NEK11: variants seen among roughly 807,000 people sequenced by gnomAD.
NEK11 encodes serine/threonine-protein kinase Nek11.
In NEK11, 72 loss-of-function variants were observed where a neutral mutation model predicts 80.7. The ratio of observed to expected loss-of-function variants is 0.89; its 90% CI spans 0.74 to 1.08. NEK11 has a LOEUF of 1.08. Ranked by LOEUF, NEK11 falls within the 50% of genes least tolerant of loss-of-function variation. The probability of loss-of-function intolerance (pLI) is 0.00; values close to 1 mark genes in which losing one functional copy is unlikely to be tolerated. For synonymous variants in NEK11, 251 were observed against 260.7 expected (o/e 0.96, Z 0.36); for missense variants, 764 against 763.6 (o/e 1.00, Z -0.01).
chr3:131,080,087 A>G (rs2075018153), intron 3 of NEK11, among the ~76,000 whole-genome samples: 1 of 151,930 alleles, frequency 6.6e-6, no homozygotes, highest in Non-Finnish European at 1.5e-5. Context: ...ATAGAAAGAG[A>G]CAGACAGAAA....
chr3:131,105,847 A>G (rs188020166), intron 4 of NEK11, among the ~76,000 whole-genome samples: 8 of 152,330 alleles, frequency 5.3e-5, no homozygotes, highest in Admixed American at 6.5e-5. Flanking sequence ...TTTTTCCCCA[A>G]ATAGTTCTTT....
intron 4 of NEK11, among the ~76,000 whole-genome samples, chr3:131,093,637 G>A (rs2077044635): frequency 6.6e-6 from 1 of 151,834 alleles, no homozygotes; most frequent in African/African-American, 2.4e-5. Context: ...GGTTGTTCTC[G>A]AACTCCTGAC....
In NEK11 at chr3:131,349,596, G is replaced by T; in HGVS notation, c.1758G>T (p.Glu586Asp). The T allele has an allele frequency of 6.2e-7, 1 of 1,614,120 alleles. No individual in the cohort carries two copies. The highest frequency in any genetic ancestry group is 8.5e-7 in the Non-Finnish European group (1 of 1,180,024). ...AGCTGGGGACAGAAGTATTTGAAGA[G>T]GTCTATAATTACCTCAAGAGAGCAA... ...MQKLGTEVFE[E>D]VYNYLKRARH... Residue 586 changes from glutamate to aspartate, a missense_variant, in exon 18 of 18, where the codon GAG (glutamate) becomes GAT (aspartate). By Grantham distance (45) the Glu-to-Asp change is conservative. Coordinates refer to ENST00000383366, the MANE Select transcript of NEK11 (RefSeq NM_024800.5).
rs1826528 is a variant in NEK11, at chr3:131,041,935, G to T, written c.170+12057G>T. ...TCTCATTGGGACTGGTTAGATGTGG[G>T]TACAGCCCACGGAGGGCGAGCAGAA... On this transcript the variant is annotated intron_variant, in intron 3 of 17. Coordinates refer to ENST00000383366, the MANE Select transcript of NEK11 (RefSeq NM_024800.5). 2.7e-3 allele frequency among the ~76,000 whole-genome samples: 412 copies of T among 152,280 alleles called. 1 individual carries two copies. Among genetic ancestry groups the T allele is most frequent in the African/African-American group, 9.5e-3 (393 of 41,548 alleles).
intron 3 of NEK11, among the ~76,000 whole-genome samples, chr3:131,030,202 G>A (rs1245874230): frequency 2.6e-5 from 4 of 151,080 alleles, no homozygotes; most frequent in Non-Finnish European, 4.4e-5. Flanking sequence ...TCATGCCACT[G>A]CCCTCCAGCC....
At chr3:131,177,329 GC>G (rs1190725772) in intron 14 of NEK11, among the ~76,000 whole-genome samples, 3 of 152,162 alleles carry the variant, frequency 2.0e-5, no homozygotes, top group Non-Finnish European at 4.4e-5. Context: ...TCAATAAAAT[GC>G]AGTTAGTAAT....
chr3:131,114,883 A>T (rs1240158961), intron 5 of NEK11, among the ~76,000 whole-genome samples: 2 of 152,236 alleles, frequency 1.3e-5, no homozygotes, highest in Non-Finnish European at 2.9e-5. Flanking sequence ...TGGCTTACAT[A>T]TGAGTTAAGA....
chr3:131,186,579 C>T (rs1032794176), intron 14 of NEK11, among the ~76,000 whole-genome samples: 3 of 152,162 alleles, frequency 2.0e-5, no homozygotes, highest in African/African-American at 7.2e-5. Flanking sequence ...AAAGTTCTTT[C>T]CTTAGAAGAC....
intron 17 of NEK11, chr3:131,326,338 T>A (rs1248311669): frequency 3.3e-5 from 5 of 152,340 alleles, no homozygotes; most frequent in Non-Finnish European, 7.3e-5. Flanking sequence ...CATGGCAAAG[T>A]CAAGCCCCCT....
chr3:131,254,254 G>A (rs2095762586), intron 16 of NEK11, among the ~76,000 whole-genome samples: 2 of 152,158 alleles, frequency 1.3e-5, no homozygotes, highest in South Asian at 4.1e-4. Context: ...GAAAGTGGTC[G>A]CAATGTGTCA....
chr3:131,110,250 T>C (rs909631173), intron 5 of NEK11, among the ~76,000 whole-genome samples: 3 of 152,178 alleles, frequency 2.0e-5, no homozygotes, highest in African/African-American at 7.2e-5. Context: ...TATGAATTTA[T>C]TGTATCTTAC....
chr3:131,277,342 G>A (rs1038642655), intron 17 of NEK11, among the ~76,000 whole-genome samples: 4 of 152,114 alleles, frequency 2.6e-5, no homozygotes, highest in Admixed American at 2.0e-4. Context: ...TCTGCTCTTT[G>A]ACACTTTCCC....
chr3:131,146,254 C>A (rs905334137), intron 7 of NEK11, among the ~76,000 whole-genome samples: 5 of 151,996 alleles, frequency 3.3e-5, no homozygotes, highest in Admixed American at 3.3e-4. Context: ...AATTTGATTT[C>A]TTTTTTTCAG....
In NEK11 at chr3:131,349,882, T is replaced by C. The variant is rs1561680406; in HGVS notation, c.*106T>C. 3.6e-6 allele frequency: 3 copies of C among 829,186 alleles called. No individual in the cohort carries two copies. The East Asian group carries it at 7.9e-5, about 22-fold the overall frequency. 51.4% of individuals were successfully genotyped at this position (829,186 alleles called of 1,614,324 possible). ...TGGGGAATGGATACAAAAGCAGAGC[T>C]CCCATCTTGACTTTCAATTCCTCAT... is the stretch of plus-strand genomic sequence containing the variant. On this transcript the variant is annotated 3_prime_UTR_variant, in exon 18 of 18. Coordinates refer to ENST00000383366, the MANE Select transcript of NEK11 (RefSeq NM_024800.5).
chr3:131,093,756 G>A (rs560833077), intron 4 of NEK11, among the ~76,000 whole-genome samples: 1 of 152,064 alleles, frequency 6.6e-6, no homozygotes, highest in Admixed American at 6.6e-5. Flanking sequence ...AGTGAAATTT[G>A]TTACATGGTG....
chr3:131,168,357 A>AT, intron 12 of NEK11, among the ~76,000 whole-genome samples: 1 of 141,556 alleles, frequency 7.1e-6, no homozygotes, highest in African/African-American at 2.7e-5. Context: ...TTTTATTTTT[A>AT]TTTATTTATT....
At chr3:131,290,659 G>A (rs1257563889) in intron 17 of NEK11, among the ~76,000 whole-genome samples, 1 of 152,166 alleles carries the variant, frequency 6.6e-6, no homozygotes, top group Admixed American at 6.5e-5. Flanking sequence ...ACCCCACCCA[G>A]CACTTGATGC....
At chr3:131,152,857 G>A (rs146220537) in intron 9 of NEK11, 148 bp downstream of exon 9, 38 of 625,766 alleles carry the variant, frequency 6.1e-5, no homozygotes, top group Middle Eastern at 4.4e-4. Flanking sequence ...AGGCCGAGGC[G>A]GATGGATCAC....
chr3:131,244,292 T>A (rs560898829), intron 16 of NEK11, among the ~76,000 whole-genome samples: 1 of 152,236 alleles, frequency 6.6e-6, no homozygotes, highest in South Asian at 2.1e-4. Context: ...CATCTCCATA[T>A]GGGAAACCTC....
Sources: gnomAD v4.1 joint callset for allele counts (sites outside exome capture counted in the v4.1 genomes callset) on GRCh38, gnomAD v4.1.1 for gene constraint, MANE v1.5 for transcripts, NCBI Gene and HGNC (gene_info 2026-07-23, HGNC 2026-07-21) for gene names.